The following ELMO1 variants were observed in gnomAD, a reference collection of about 807,000 sequenced individuals.
ELMO1 encodes engulfment and cell motility protein 1.
Under a neutral mutation model 98.9 loss-of-function variants are expected in ELMO1, and 26 were observed. The ratio of observed to expected loss-of-function variants is 0.26; its 90% CI spans 0.19 to 0.36. The LOEUF (loss-of-function observed/expected upper bound fraction) is 0.36. Among genes scored for constraint, ELMO1 ranks in the 10% least tolerant of loss-of-function variants. The pLI is 1.00. For missense variants in ELMO1, 627 were observed against 935.2 expected (o/e 0.67, Z 4.30); for synonymous variants, 346 against 346.0 (o/e 1.00, Z 0.00).
chr7:37,134,182 C>A (rs547119918), intron 13 of ELMO1, among the ~76,000 whole-genome samples: 92 of 152,254 alleles, frequency 6.0e-4, no homozygotes, highest in African/African-American at 2.0e-3. Flanking sequence ...TAAATTAGTA[C>A]AACCTCTATG....
At chr7:36,892,212 C>T (rs2129053580) in intron 17 of ELMO1, among the ~76,000 whole-genome samples, 1 of 152,280 alleles carries the variant, frequency 6.6e-6, no homozygotes, top group South Asian at 2.1e-4. Flanking sequence ...GTGTGGCACA[C>T]ACAGAGGGAG....
intron 13 of ELMO1, among the ~76,000 whole-genome samples, chr7:37,179,001 G>T (rs112318433): frequency 1.3e-5 from 2 of 152,254 alleles, no homozygotes; most frequent in African/African-American, 4.8e-5. Context: ...TGGTTAACAG[G>T]ATCACACACT....
chr7:37,114,518 G>T (rs953198328), intron 14 of ELMO1, among the ~76,000 whole-genome samples: 1 of 152,088 alleles, frequency 6.6e-6, no homozygotes, highest in African/African-American at 2.4e-5. Flanking sequence ...CCTTATCAAG[G>T]CAACCCATAT....
At chr7:37,123,316 A>G (rs1320155919) in intron 14 of ELMO1, among the ~76,000 whole-genome samples, 1 of 152,186 alleles carries the variant, frequency 6.6e-6, no homozygotes, top group African/African-American at 2.4e-5. Flanking sequence ...AGAGACATAA[A>G]AAACCCTTCA....
chr7:37,188,450 A>G (rs1435638158), intron 13 of ELMO1, among the ~76,000 whole-genome samples: 5 of 9,988 alleles, frequency 5.0e-4, no homozygotes, highest in African/African-American at 1.7e-3. Context: ...ACACACACAC[A>G]CGCAAACACA....
At position 37,171,362 on chromosome 7, in the gene ELMO1, G is replaced by A. The variant is rs184042759; in HGVS notation, c.1087-38128C>T. Among the ~76,000 whole-genome samples the A allele has an allele frequency of 2.0e-3, 302 of 151,796 alleles. 1 individual carries two copies. The highest frequency in any genetic ancestry group is 7.1e-3 in the African/African-American group (294 of 41,386). On this transcript the variant is annotated intron_variant, in intron 13 of 21. Transcript: ENST00000310758. ...TATCTACCAATCAGTGGCGTCATGG[G>A]CAATAAAATATGGACATAAAAATAT...
At chr7:37,252,252 A>G (rs1795390204) in intron 6 of ELMO1, among the ~76,000 whole-genome samples, 3 of 152,208 alleles carry the variant, frequency 2.0e-5, no homozygotes, top group Admixed American at 2.0e-4. Context: ...ATATGGAACT[A>G]AAAAAGAGCC....
rs6979315 is a variant in ELMO1 at position 37,034,904 on chromosome 7, A to T, written c.1301-21469T>A. Among the ~76,000 whole-genome samples, 3 of 152,168 alleles carry T rather than the reference A, an allele frequency of 2.0e-5. No individual in the cohort carries two copies. The East Asian group carries it at 5.8e-4, about 29-fold the overall frequency. On this transcript the variant is annotated intron_variant, in intron 15 of 21. Coordinates refer to ENST00000310758, the MANE Select transcript of ELMO1 (RefSeq NM_014800.11). ...TGTCCAGAGCTCCTTCTTGTACAAC[A>T]AGAAGACTGGAAGCTGGTGTTTATC...
At chr7:37,044,694 C>T (rs762201845) in intron 15 of ELMO1, among the ~76,000 whole-genome samples, 10 of 152,178 alleles carry the variant, frequency 6.6e-5, no homozygotes, top group African/African-American at 1.2e-4. Context: ...TGAACTCTTA[C>T]CCAGTCTCCT....
chr7:37,137,541 A>G (rs1787350697), intron 13 of ELMO1, among the ~76,000 whole-genome samples: 1 of 149,972 alleles, frequency 6.7e-6, no homozygotes, highest in South Asian at 2.1e-4. Flanking sequence ...AAGTCTCAGT[A>G]ATTTTTTTTT....
At chr7:37,340,216 CT>C (rs1408335993) in intron 2 of ELMO1, among the ~76,000 whole-genome samples, 1 of 152,108 alleles carries the variant, frequency 6.6e-6, no homozygotes, top group Non-Finnish European at 1.5e-5. Context: ...CAATTTATTT[CT>C]GGTTTTATAA....
At chr7:36,939,171 T>C (rs915626371) in intron 16 of ELMO1, among the ~76,000 whole-genome samples, 1 of 128,388 alleles carries the variant, frequency 7.8e-6, no homozygotes, top group Non-Finnish European at 1.5e-5. Flanking sequence ...AAGAAATGAG[T>C]TTTTTTTTTT....
chr7:36,945,686 C>A (rs1277093747), intron 16 of ELMO1, among the ~76,000 whole-genome samples: 1 of 152,148 alleles, frequency 6.6e-6, no homozygotes. Context: ...GCTCCATACC[C>A]CTCACATTCC....
chr7:37,301,566 C>G (rs1286907812), intron 4 of ELMO1, among the ~76,000 whole-genome samples: 1 of 139,646 alleles, frequency 7.2e-6, no homozygotes, highest in Non-Finnish European at 1.6e-5. Flanking sequence ...CCACCCACCC[C>G]TCTCCAGCCC....
intron 2 of ELMO1, among the ~76,000 whole-genome samples, chr7:37,329,716 A>G (rs1156426154): frequency 6.6e-6 from 1 of 152,182 alleles, no homozygotes; most frequent in East Asian, 1.9e-4. Flanking sequence ...AGGTGTCACC[A>G]AGATCCTTCC....
chr7:37,239,608 G>C (rs1313460790), intron 7 of ELMO1, among the ~76,000 whole-genome samples: 1 of 152,210 alleles, frequency 6.6e-6, no homozygotes, highest in African/African-American at 2.4e-5. Flanking sequence ...TTTGGGCAAT[G>C]CCTGTGGAAG....
chr7:37,317,218 C>T (rs1199849720), intron 2 of ELMO1, among the ~76,000 whole-genome samples: 1 of 152,172 alleles, frequency 6.6e-6, no homozygotes, highest in Non-Finnish European at 1.5e-5. Flanking sequence ...ATAGTCCTCT[C>T]CAAGGGCCTC....
chr7:36,881,610 A>C (rs969649427), intron 18 of ELMO1, among the ~76,000 whole-genome samples: 4 of 152,118 alleles, frequency 2.6e-5, no homozygotes, highest in Non-Finnish European at 5.9e-5. Flanking sequence ...TCATCTCCAA[A>C]CCCAAAACAA....
chr7:37,083,593 C>T (rs973926917), intron 15 of ELMO1, among the ~76,000 whole-genome samples: 3 of 152,184 alleles, frequency 2.0e-5, no homozygotes, highest in South Asian at 2.1e-4. Flanking sequence ...TCTGTTCTTG[C>T]GGCCAAAACC....
Sources: gnomAD v4.1 joint callset for allele counts (sites outside exome capture counted in the v4.1 genomes callset) on GRCh38, gnomAD v4.1.1 for gene constraint, MANE v1.5 for transcripts, NCBI Gene and HGNC (gene_info 2026-07-23, HGNC 2026-07-21) for gene names.